ALKBH2: variants seen among roughly 807,000 people sequenced by gnomAD.
ALKBH2 encodes DNA oxidative demethylase ALKBH2.
In ALKBH2, 19 loss-of-function variants were observed where a neutral mutation model predicts 19.7. The ratio of observed to expected loss-of-function variants is 0.97; its 90% CI spans 0.67 to 1.42. The LOEUF is 1.42. ALKBH2 is among the 40% of genes most tolerant of loss of function. ALKBH2 has a pLI of 0.00. For synonymous variants in ALKBH2, 135 were observed against 131.2 expected (o/e 1.03, Z -0.20); for missense variants, 310 against 328.5 (o/e 0.94, Z 0.43).
chr12:109,091,837 A>G (rs369372954), intron 2 of ALKBH2, among the ~76,000 whole-genome samples: 10 of 152,354 alleles, frequency 6.6e-5, no homozygotes, highest in African/African-American at 2.4e-4. Context: ...GGCGCGAGCC[A>G]CCACGCCTAG....
In ALKBH2 at chr12:109,088,513, C is replaced by T; in HGVS notation, c.480-1G>A. 1.3e-6 allele frequency: 2 copies of T among 1,580,546 alleles called. No individual in the cohort carries two copies. The highest frequency in any genetic ancestry group is 1.7e-6 in the Non-Finnish European group (2 of 1,159,628). ...GATGTGGTCACAGCCATCTTTATAC[C>T]TGCAATGAGAAAACAAACACAGTGC... On this transcript the variant is annotated splice_acceptor_variant, in intron 3 of 3. Transcript: ENST00000429722. LOFTEE classifies it high-confidence loss of function. This position sits in a 1 kb window ranked among gnomAD's most constrained non-coding sequence, Gnocchi z 4.2.
intron 3 of ALKBH2, 24 bp downstream of exon 3, chr12:109,089,985 T>C (rs1305140014): frequency 1.2e-6 from 2 of 1,612,940 alleles, no homozygotes; most frequent in African/African-American, 2.7e-5. Flanking sequence ...CTTGTAACAT[T>C]GAGTCCACTA....
chr12:109,092,708 G>C lies in ALKBH2; in HGVS notation c.79C>G (p.Pro27Ala). Residue 27 changes from proline to alanine, a missense_variant, in exon 2 of 4, where the codon CCA (proline) becomes GCA (alanine). Coordinates refer to ENST00000429722, the MANE Select transcript of ALKBH2 (RefSeq NM_001145374.2). ...TCTTTGTCTCCTCCCAACACAGCTG[G>C]CTCTTCTCCAGTTGGCTCTTGCTCC... ...QEEQEPTGEEPAVLGGDKEST... is the reference protein window; with the variant it reads ...QEEQEPTGEEAAVLGGDKEST... 1 of 1,613,998 alleles carries C rather than the reference G, an allele frequency of 6.2e-7. No homozygotes were observed. Among genetic ancestry groups the C allele is most frequent in the Non-Finnish European group, 8.5e-7 (1 of 1,179,980 alleles).
intron 3 of ALKBH2, among the ~76,000 whole-genome samples, chr12:109,089,463 T>C (rs972524097): frequency 6.6e-6 from 1 of 152,150 alleles, no homozygotes; most frequent in African/African-American, 2.4e-5. Context: ...CTGCTCAACA[T>C]CCTGCAAGGC....
In ALKBH2 at chr12:109,092,701, ACAGCTGGCTCTTCTC is replaced by A. The variant is rs1262781384; in HGVS notation, c.71_85del (p.Gly24_Ala28del). ...TGTGCTTTCTTTGTCTCCTCCCAAC[ACAGCTGGCTCTTCTC>A]CAGTTGGCTCTTGCTCCTCCTGCTT... On this transcript the variant is annotated inframe_deletion, in exon 2 of 4. Transcript: ENST00000429722. The A allele has an allele frequency of 6.2e-7, 1 of 1,613,980 alleles. No individual in the cohort carries two copies. Among genetic ancestry groups the A allele is most frequent in the Middle Eastern group, 1.6e-4 (1 of 6,062 alleles).
chr12:109,091,428 G>T (rs1455230345), intron 2 of ALKBH2, among the ~76,000 whole-genome samples: 2 of 152,228 alleles, frequency 1.3e-5, no homozygotes, highest in East Asian at 3.9e-4. Context: ...TCACTATGTT[G>T]CCCAGGCTGG....
rs749035027 is a variant in ALKBH2 at position 109,088,250 on chromosome 12, G to T, written c.742C>A (p.Arg248=). The part of the protein sequence containing the change: ...LPVRKKVLAP[R]VNLTFRKILL... ...ATTTTACGAAAAGTCAGATTCACCCGTGGAGCCAGAACCTTCTTTCTCACG... is the reference window on the plus strand; with the variant it reads ...ATTTTACGAAAAGTCAGATTCACCCTTGGAGCCAGAACCTTCTTTCTCACG... Residue 248 remains arginine (R), a synonymous_variant, in exon 4 of 4, where the codon CGG becomes AGG. Transcript: ENST00000429722. This position sits in a 1 kb window ranked among gnomAD's most constrained non-coding sequence, Gnocchi z 4.2. 105 of 1,611,262 alleles carry T rather than the reference G, an allele frequency of 6.5e-5. No individual in the cohort carries two copies. Among genetic ancestry groups the T allele is most frequent in the Non-Finnish European group, 7.6e-5 (89 of 1,178,358 alleles).
At chr12:109,089,703 T>C in intron 3 of ALKBH2, 1 of 372,584 alleles carries the variant, frequency 2.7e-6, no homozygotes, top group Admixed American at 3.8e-5. Context: ...CGCTTGAGCC[T>C]AGCAGTTTGA....
At chr12:109,091,580 C>G (rs2042060923) in intron 2 of ALKBH2, among the ~76,000 whole-genome samples, 1 of 152,070 alleles carries the variant, frequency 6.6e-6, no homozygotes, top group Non-Finnish European at 1.5e-5. Flanking sequence ...CTCTGTTGCC[C>G]AGGCTGGAGT....
intron 1 of ALKBH2, 36 bp downstream of exon 1, chr12:109,093,211 G>A: frequency 5.7e-6 from 1 of 175,330 alleles, no homozygotes; most frequent in Non-Finnish European, 1.2e-5. Context: ...AAAGTCAACT[G>A]TCCACCCCTT....
rs374317590 is a variant in ALKBH2 at position 109,088,332 on chromosome 12, G to T, written c.660C>A (p.His220Gln). ...GGTGGTTCATCATTAGTAAGCTCCC[G>T]TGGGCCAGCGGCAGCCTGACCACCG... ...RVAVVRLPLA[H>Q]GSLLMMNHPT... Residue 220 changes from histidine to glutamine, a missense_variant, in exon 4 of 4, where the codon CAC (histidine) becomes CAA (glutamine). Coordinates refer to ENST00000429722, the MANE Select transcript of ALKBH2 (RefSeq NM_001145374.2). The surrounding 1 kb of genome is among the most constrained non-coding windows in gnomAD (Gnocchi z 4.2). 76 of 1,614,006 alleles carry T rather than the reference G, an allele frequency of 4.7e-5. No homozygotes were observed. Among genetic ancestry groups the T allele is most frequent in the Non-Finnish European group, 4.7e-5 (55 of 1,180,018 alleles).
intron 1 of ALKBH2, 116 bp from the exon 2 acceptor site, chr12:109,093,053 A>C (rs1188203710): frequency 1.1e-4 from 73 of 694,086 alleles, no homozygotes; most frequent in Non-Finnish European, 1.0e-5. Context: ...AAAAACCCAG[A>C]GGTCTGCACT....
rs1484244436 is a variant in ALKBH2, at chr12:109,090,049, C to A, written c.439G>T (p.Gly147Trp). The A allele has an allele frequency of 6.2e-7, 1 of 1,614,180 alleles. No individual in the cohort carries two copies. The highest frequency in any genetic ancestry group is 8.5e-7 in the Non-Finnish European group (1 of 1,180,022). Residue 147 changes from glycine to tryptophan, a missense_variant, in exon 3 of 4, where the codon GGG (glycine) becomes TGG (tryptophan). By Grantham distance (184) the Gly-to-Trp change is radical. Coordinates refer to ENST00000429722, the MANE Select transcript of ALKBH2 (RefSeq NM_001145374.2). Reference sequence around the variant, plus strand: ...AAGTTGAAGGTCTGTCCAGTCACCCCAGAGACGTGATCCCGGATGCGCTCT... The same window carrying A: ...AAGTTGAAGGTCTGTCCAGTCACCCAAGAGACGTGATCCCGGATGCGCTCT... ...VLERIRDHVS[G>W]VTGQTFNFVL...
chr12:109,092,690 C>G lies in ALKBH2; in HGVS notation c.97G>C (p.Asp33His). 6.2e-7 allele frequency: 1 copy of G among 1,614,210 alleles called. No homozygotes were observed. ...TGEEPAVLGG[D>H]KESTRKRPRR... Reference sequence around the variant, plus strand: ...GGCCTCTTCCTTGTGCTTTCTTTGTCTCCTCCCAACACAGCTGGCTCTTCT... The same window carrying G: ...GGCCTCTTCCTTGTGCTTTCTTTGTGTCCTCCCAACACAGCTGGCTCTTCT... The change falls in exon 2 of 4, where the codon GAC becomes CAC. Residue 33 changes from aspartate to histidine, a missense_variant. Coordinates refer to ENST00000429722, the MANE Select transcript of ALKBH2 (RefSeq NM_001145374.2).
chr12:109,092,922 A>C lies in ALKBH2; in HGVS notation c.-136T>G, dbSNP rs185740875. 6.8e-7 allele frequency: 1 copy of C among 1,474,400 alleles called. No homozygotes were observed. Among genetic ancestry groups the C allele is most frequent in the African/African-American group, 1.4e-5 (1 of 70,650 alleles). The allele number at this position is 1,474,400 out of a possible 1,614,324, so 91.3% of individuals were successfully genotyped here. On this transcript the variant is annotated 5_prime_UTR_variant, in exon 2 of 4. Transcript: ENST00000429722. ...TCCTAGTTTCACATTTTCATTTTAA[A>C]GTTTAAAACCATGTCCTAGAAAGGA...
At chr12:109,089,530 G>A (rs776139660) in intron 3 of ALKBH2, 9 of 186,252 alleles carry the variant, frequency 4.8e-5, no homozygotes, top group South Asian at 2.1e-4. Flanking sequence ...CAGTGCTGCC[G>A]TTGAGAAACC....
chr12:109,093,032 G>A (rs2042088439), intron 1 of ALKBH2, 95 bp from the exon 2 acceptor site: 1 of 1,054,142 alleles, frequency 9.5e-7, no homozygotes, highest in Middle Eastern at 3.4e-4. Context: ...AGAATCAGCT[G>A]GCTAGCTTGC....
Position 109,088,674 on chromosome 12 carries a change from A to C in ALKBH2, c.480-162T>G, listed in dbSNP as rs1166552022. Among the ~76,000 whole-genome samples the C allele has an allele frequency of 6.6e-6, 1 of 152,090 alleles. No homozygotes were observed. The highest frequency in any genetic ancestry group is 1.5e-5 in the Non-Finnish European group (1 of 68,010). On this transcript the variant is annotated intron_variant, in intron 3 of 3. Transcript: ENST00000429722. This position sits in a 1 kb window ranked among gnomAD's most constrained non-coding sequence, Gnocchi z 4.2. Reference sequence around the variant, plus strand: ...GAGGTCCACAGTGGGCTCTAAGATAAGCCAACGCTGAAGAGGTCTGTTGAC... The same window carrying C: ...GAGGTCCACAGTGGGCTCTAAGATACGCCAACGCTGAAGAGGTCTGTTGAC...
At chr12:109,091,708 TTTG>T (rs56157891) in intron 2 of ALKBH2, among the ~76,000 whole-genome samples, 78,030 of 151,600 alleles carry the variant, frequency 0.51, 22,475 homozygotes, top group East Asian at 0.84. Flanking sequence ...CAGCTCATTT[TTTG>T]TTGTTGTTGT....
Sources: allele counts gnomAD v4.1 joint callset (sites outside exome capture counted in the v4.1 genomes callset), GRCh38; gene constraint gnomAD v4.1.1; non-coding constraint Gnocchi (gnomAD v3.1); transcripts MANE v1.5; gene names NCBI Gene and HGNC (gene_info 2026-07-23, HGNC 2026-07-21).